ATP1A4: variants seen among roughly 807,000 people sequenced by gnomAD.
ATP1A4 encodes ATPase Na+/K+ transporting subunit alpha 4, also known as sodium/potassium-transporting ATPase subunit alpha-4.
A neutral mutation model predicts 114.3 loss-of-function variants in ATP1A4; 90 were observed. The observed-to-expected ratio is 0.79, with a 90% confidence interval of 0.66 to 0.94. The LOEUF (loss-of-function observed/expected upper bound fraction) is 0.94. Among genes scored for constraint, ATP1A4 ranks in the 40% least tolerant of loss-of-function variants. The probability of loss-of-function intolerance (pLI) is 0.00; values close to 1 mark genes in which losing one functional copy is unlikely to be tolerated. For synonymous variants in ATP1A4, 511 were observed against 494.1 expected (o/e 1.03, Z -0.45); for missense variants, 1,222 against 1,313.6 (o/e 0.93, Z 1.08).
chr1:160,160,922 T>G (rs983094436), intron 6 of ATP1A4, among the ~76,000 whole-genome samples: 1 of 152,228 alleles, frequency 6.6e-6, no homozygotes, highest in African/African-American at 2.4e-5. Flanking sequence ...ACACTAGATG[T>G]CTACTATTAG....
At chr1:160,165,959 T>TA (rs1653013571) in intron 7 of ATP1A4, among the ~76,000 whole-genome samples, 2 of 151,814 alleles carry the variant, frequency 1.3e-5, no homozygotes, top group South Asian at 4.2e-4. Context: ...CTGTCTATGA[T>TA]ACCCTGGTAA....
intron 15 of ATP1A4, among the ~76,000 whole-genome samples, chr1:160,175,101 G>A (rs58499496): frequency 0.19 from 28,292 of 151,960 alleles, 3,128 homozygotes; most frequent in African/African-American, 0.31. Context: ...TATTCCATGC[G>A]CTGCAATCTT....
rs201695192 is a variant in ATP1A4, at chr1:160,164,141, C to T, written c.779-15C>T. 8 of 1,612,770 alleles carry T rather than the reference C, an allele frequency of 5.0e-6. No homozygotes were observed. In the East Asian group the frequency reaches 1.6e-4, roughly 31 times the overall value. On this transcript the variant is annotated splice_polypyrimidine_tract_variant and intron_variant, in intron 6 of 21. Transcript: ENST00000368081. ...TATCACAACATCACATTGCCCTCTCCTGCTTCATCCACAGGAACCGCCCGG... is the reference window on the plus strand; with the variant it reads ...TATCACAACATCACATTGCCCTCTCTTGCTTCATCCACAGGAACCGCCCGG...
rs765560607 is a variant in ATP1A4, at chr1:160,156,036, C to T, written c.412-9C>T. 2.5e-6 allele frequency: 4 copies of T among 1,574,796 alleles called. No homozygotes were observed. Among genetic ancestry groups the T allele is most frequent in the African/African-American group, 2.7e-5 (2 of 73,974 alleles). ...CCCACTGATAAACGCTTTCTTTCCCCACCCTCAGCTCTACCTGAGCATCGT... is the reference window on the plus strand; with the variant it reads ...CCCACTGATAAACGCTTTCTTTCCCTACCCTCAGCTCTACCTGAGCATCGT... On this transcript the variant is annotated splice_polypyrimidine_tract_variant and intron_variant, in intron 3 of 21. Transcript: ENST00000368081.
At chr1:160,166,766 G>T in intron 8 of ATP1A4, 40 bp downstream of exon 8, 1 of 1,612,424 alleles carries the variant, frequency 6.2e-7, no homozygotes, top group Non-Finnish European at 8.5e-7. Context: ...GGAGGGATTT[G>T]GGGGATGTGA....
intron 10 of ATP1A4, among the ~76,000 whole-genome samples, chr1:160,167,844 AC>A (rs1653098981): frequency 1.3e-5 from 2 of 151,780 alleles, no homozygotes; most frequent in Non-Finnish European, 2.9e-5. Flanking sequence ...ATTTCCTTTC[AC>A]CCCACACTTG....
rs201039507 is a variant in ATP1A4 at position 160,159,426 on chromosome 1, G to C, written c.678G>C (p.Leu226Phe). ...CATCCCAGGTGGACAACTCATCCTT[G>C]ACTGGGGAGTCAGAACCCCAGAGCC... Reference protein sequence around the residue: ...AQGCKVDNSSLTGESEPQSRS... With the variant: ...AQGCKVDNSSFTGESEPQSRS... Residue 226 changes from leucine (L) to phenylalanine (F), a missense_variant, in exon 6 of 22, where the codon TTG becomes TTC. Leu to Phe is a conservative substitution (Grantham distance 22, BLOSUM62 0). Transcript: ENST00000368081. The C allele has an allele frequency of 6.2e-7, 1 of 1,613,290 alleles. No homozygotes were observed. The highest frequency in any genetic ancestry group is 1.3e-5 in the African/African-American group (1 of 74,844).
intron 20 of ATP1A4, chr1:160,182,706 T>C (rs1322331424): frequency 6.5e-6 from 1 of 152,836 alleles, no homozygotes; most frequent in Non-Finnish European, 1.5e-5. Context: ...AGTTTTGCTC[T>C]TACTGCCCAG....
At chr1:160,163,723 A>T (rs1652937185) in intron 6 of ATP1A4, among the ~76,000 whole-genome samples, 1 of 152,156 alleles carries the variant, frequency 6.6e-6, no homozygotes, top group Admixed American at 6.5e-5. Flanking sequence ...ATAATCGGTT[A>T]CATTATTAGC....
chr1:160,156,801 T>TA (rs1164599374), intron 4 of ATP1A4, among the ~76,000 whole-genome samples: 1 of 151,808 alleles, frequency 6.6e-6, no homozygotes, highest in Non-Finnish European at 1.5e-5. Flanking sequence ...ATAATAATAA[T>TA]AAAAAGAGGC....
chr1:160,171,783 C>T (rs148293520), intron 12 of ATP1A4, 26 bp downstream of exon 12: 2 of 1,604,778 alleles, frequency 1.2e-6, no homozygotes, highest in African/African-American at 1.3e-5. Flanking sequence ...GACCAGGAGC[C>T]CCTCACCTGT....
intron 20 of ATP1A4, among the ~76,000 whole-genome samples, chr1:160,182,240 A>C (rs568527233): frequency 2.6e-5 from 4 of 152,188 alleles, no homozygotes; most frequent in Admixed American, 6.5e-5. Flanking sequence ...AATGATCACA[A>C]CCCACTAGAC....
At chr1:160,185,590 G>C (rs963963063) in intron 20 of ATP1A4, among the ~76,000 whole-genome samples, 3 of 151,872 alleles carry the variant, frequency 2.0e-5, no homozygotes, top group Non-Finnish European at 4.4e-5. Flanking sequence ...GTTCAAGACC[G>C]GTCTGGGCAA....
chr1:160,166,910 A>C, intron 8 of ATP1A4, 58 bp from the exon 9 acceptor site: 5 of 1,573,538 alleles, frequency 3.2e-6, no homozygotes, highest in Non-Finnish European at 4.4e-6. Flanking sequence ...GGATGTGAAT[A>C]ACCGCTTGCT....
At chr1:160,185,647 A>G (rs1327676181) in intron 20 of ATP1A4, among the ~76,000 whole-genome samples, 1 of 151,450 alleles carries the variant, frequency 6.6e-6, no homozygotes, top group Non-Finnish European at 1.5e-5. Context: ...TTGGCCAGGC[A>G]TGGTGGCTCA....
At chr1:160,161,396 T>C (rs1328907063) in intron 6 of ATP1A4, among the ~76,000 whole-genome samples, 3 of 152,178 alleles carry the variant, frequency 2.0e-5, no homozygotes, top group African/African-American at 7.2e-5. Context: ...TCTCTGGCAA[T>C]ACATGGAAGG....
At chr1:160,156,009 G>T (rs568231726) in intron 3 of ATP1A4, 36 bp from the exon 4 acceptor site, 21 of 1,275,498 alleles carry the variant, frequency 1.6e-5, no homozygotes, top group African/African-American at 4.4e-5. Context: ...AGACGACAAG[G>T]TCCCACTGAT....
At chr1:160,180,652 T>C (rs1332737532) in intron 18 of ATP1A4, among the ~76,000 whole-genome samples, 1 of 147,278 alleles carries the variant, frequency 6.8e-6, no homozygotes, top group African/African-American at 2.5e-5. Context: ...GGCCCCACCA[T>C]CCTTTCTTTC....
Position 160,171,255 on chromosome 1 carries a change from C to T in ATP1A4, c.1496C>T (p.Ser499Phe). The T allele has an allele frequency of 6.2e-7, 1 of 1,613,236 alleles. No homozygotes were observed. The highest frequency in any genetic ancestry group is 8.5e-7 in the Non-Finnish European group (1 of 1,179,346). ...PFNSTNKYQM[S>F]IHLREDSSQT... is the part of the protein sequence containing the mutation. ...TGCTCCCTTTGCTCTCCCTAGATGT[C>T]CATCCACCTTCGGGAGGACAGCTCC... Residue 499 changes from serine (S) to phenylalanine (F), a missense_variant, in exon 11 of 22, where the codon TCC (serine) becomes TTC (phenylalanine). Transcript: ENST00000368081.
Sources: allele counts gnomAD v4.1 joint callset (sites outside exome capture counted in the v4.1 genomes callset), GRCh38; gene constraint gnomAD v4.1.1; transcripts MANE v1.5; gene names NCBI Gene and HGNC (gene_info 2026-07-23, HGNC 2026-07-21).